CHLSN: variants seen among roughly 807,000 people sequenced by gnomAD.
CHLSN encodes the protein cholesin.
the CHLSN span, chr7:1,000,661 GTAC>G: frequency 3.6e-6 from 3 of 826,134 alleles, no homozygotes; most frequent in South Asian, 4.9e-5. Flanking sequence ...GCCCCACCAG[GTAC>G]TACACACCAA....
the CHLSN span, among the ~76,000 whole-genome samples, chr7:1,007,454 G>A: frequency 6.6e-6 from 1 of 152,204 alleles, no homozygotes; most frequent in Non-Finnish European, 1.5e-5. Context: ...GGGAATCCCC[G>A]GGCTCCCTCT....
the CHLSN span, among the ~76,000 whole-genome samples, chr7:1,072,676 CTTT>C: frequency 1.8e-5 from 2 of 110,312 alleles, no homozygotes; most frequent in South Asian, 2.8e-4. Flanking sequence ...CTTTTCTTTC[CTTT>C]TTTTTTTTTT....
chr7:1,093,692 A>G, the CHLSN span: 18 of 469,058 alleles, frequency 3.8e-5, no homozygotes, highest in South Asian at 2.8e-4. Flanking sequence ...ATTTGTTTCT[A>G]CAGAAATAAC....
chr7:1,089,341 G>C, the CHLSN span, among the ~76,000 whole-genome samples: 9 of 152,206 alleles, frequency 5.9e-5, no homozygotes, highest in South Asian at 2.1e-4. Context: ...CAGAGGCAGT[G>C]ATTCATCTTG....
At chr7:1,065,948 G>A in the CHLSN span, among the ~76,000 whole-genome samples, 7 of 152,226 alleles carry the variant, frequency 4.6e-5, no homozygotes, top group African/African-American at 1.7e-4. Context: ...TCCAGTGGCC[G>A]TCGGGGTGCC....
the CHLSN span, among the ~76,000 whole-genome samples, chr7:1,059,827 GC>G: frequency 1.2e-5 from 1 of 82,932 alleles, no homozygotes; most frequent in South Asian, 4.8e-4. Context: ...CTGTAGTGGG[GC>G]GGGTCTGTAG....
chr7:1,062,338 C>G, the CHLSN span, among the ~76,000 whole-genome samples: 1 of 152,148 alleles, frequency 6.6e-6, no homozygotes, highest in East Asian at 1.9e-4. Flanking sequence ...GGAATAGTAA[C>G]CGTAACAGAA....
the CHLSN span, among the ~76,000 whole-genome samples, chr7:1,096,177 C>T: frequency 8.9e-3 from 1,356 of 152,370 alleles, 9 homozygotes; most frequent in Non-Finnish European, 0.014. The surrounding 1 kb of genome is among the most constrained non-coding windows in gnomAD (Gnocchi z 4.6). Context: ...CGCCCCACTA[C>T]GCCGCTCCTC....
At chr7:981,574 T>C in the CHLSN span, among the ~76,000 whole-genome samples, 79 of 151,698 alleles carry the variant, frequency 5.2e-4, no homozygotes, top group Non-Finnish European at 8.5e-4. Flanking sequence ...AGTAGCCAGG[T>C]GTGGTGGCAT....
At chr7:1,100,061 A>G in the CHLSN span, among the ~76,000 whole-genome samples, 2 of 152,218 alleles carry the variant, frequency 1.3e-5, no homozygotes, top group Non-Finnish European at 2.9e-5. Context: ...TGTGCACCGC[A>G]AGCCAAATGG....
At chr7:992,410 AG>A in the CHLSN span, among the ~76,000 whole-genome samples, 2 of 152,202 alleles carry the variant, frequency 1.3e-5, no homozygotes, top group Non-Finnish European at 2.9e-5. Flanking sequence ...GTAAGCTCGG[AG>A]GGTGAGGCCA....
chr7:1,004,605 G>A, the CHLSN span, among the ~76,000 whole-genome samples: 6 of 152,158 alleles, frequency 3.9e-5, no homozygotes, highest in Admixed American at 3.3e-4. Context: ...TCTTGGCCTC[G>A]TCACTGGGGG....
chr7:1,062,973 A>G, the CHLSN span, among the ~76,000 whole-genome samples: 7 of 151,676 alleles, frequency 4.6e-5, no homozygotes, highest in Non-Finnish European at 8.8e-5. Flanking sequence ...AACCCTCAAC[A>G]CCCTCATCTG....
chr7:984,685 G>A, the CHLSN span: 5 of 1,418,372 alleles, frequency 3.5e-6, no homozygotes, highest in Non-Finnish European at 4.7e-6. Flanking sequence ...CTGGGGAAGA[G>A]CAGGCAGGAG....
chr7:1,136,076 A>T, the CHLSN span, among the ~76,000 whole-genome samples: 1 of 117,246 alleles, frequency 8.5e-6, no homozygotes, highest in African/African-American at 3.5e-5. Context: ...AAATATAAGT[A>T]TATATAAATT....
the CHLSN span, among the ~76,000 whole-genome samples, chr7:1,116,400 T>G: frequency 7.9e-6 from 1 of 126,676 alleles, no homozygotes. Flanking sequence ...CCACGCAGGA[T>G]GATGACATGA....
chr7:1,005,465 C>CCCAT, the CHLSN span, among the ~76,000 whole-genome samples: 1 of 152,252 alleles, frequency 6.6e-6, no homozygotes, highest in African/African-American at 2.4e-5. Flanking sequence ...CGACCCAATG[C>CCCAT]CCATGAAGGC....
chr7:1,014,335 G>A, the CHLSN span, among the ~76,000 whole-genome samples: 3 of 152,166 alleles, frequency 2.0e-5, no homozygotes, highest in Non-Finnish European at 4.4e-5. Flanking sequence ...TTAACTCCTG[G>A]CAAGAGACAC....
the CHLSN span, among the ~76,000 whole-genome samples, chr7:983,764 T>C: frequency 6.6e-6 from 1 of 152,148 alleles, no homozygotes; most frequent in East Asian, 1.9e-4. Context: ...CCCTCAGGTG[T>C]TCAACAGCAA....
Sources: gnomAD v4.1 joint callset for allele counts (sites outside exome capture counted in the v4.1 genomes callset) on GRCh38, gnomAD v4.1.1 for gene constraint, Gnocchi (gnomAD v3.1) non-coding constraint, MANE v1.5 for transcripts, NCBI Gene and HGNC (gene_info 2026-07-23, HGNC 2026-07-21) for gene names.